Variants in SHISAL2A observed in about 807,000 individuals in gnomAD.
The protein encoded by SHISAL2A is protein shisa-like-2A.
In SHISAL2A, 18 loss-of-function variants were observed where a neutral mutation model predicts 11.5. The observed-to-expected ratio is 1.57, with a 90% CI of 1.08 to 2.33. The LOEUF (loss-of-function observed/expected upper bound fraction) is 2.33. SHISAL2A is among the 30% of genes most tolerant of loss of function. The pLI is 0.00. For missense variants in SHISAL2A, 261 were observed against 250.9 expected (o/e 1.04, Z -0.27); for synonymous variants, 94 against 99.6 (o/e 0.94, Z 0.34).
chr1:52,649,630 G>A (rs1297369831), intron 2 of SHISAL2A, among the ~76,000 whole-genome samples: 4 of 152,316 alleles, frequency 2.6e-5, no homozygotes, highest in African/African-American at 9.6e-5. Flanking sequence ...TGAGGAACTG[G>A]CTAGATCAGA....
chr1:52,645,459 A>T, intron 2 of SHISAL2A, among the ~76,000 whole-genome samples: 1 of 144,482 alleles, frequency 6.9e-6, no homozygotes, highest in East Asian at 2.0e-4. Flanking sequence ...CCCAGGCTGG[A>T]ATGCAGTGGC....
downstream of SHISAL2A, among the ~76,000 whole-genome samples, chr1:52,657,336 A>C (rs1224514066): frequency 6.6e-6 from 1 of 152,304 alleles, no homozygotes; most frequent in East Asian, 1.9e-4. Context: ...GAACTCTGAC[A>C]TGGTTTTCCT....
At chr1:52,653,900 T>C (rs1691729749) in intron 2 of SHISAL2A, among the ~76,000 whole-genome samples, 1 of 151,942 alleles carries the variant, frequency 6.6e-6, no homozygotes, top group South Asian at 2.1e-4. Context: ...CCAGTCGTAT[T>C]TTCTGTTCCA....
In SHISAL2A at chr1:52,642,936, T is replaced by C. The variant is rs1691402585; in HGVS notation, c.256T>C (p.Cys86Arg). 6.2e-7 allele frequency: 1 copy of C among 1,614,054 alleles called. No individual in the cohort carries two copies. Among genetic ancestry groups the C allele is most frequent in the Non-Finnish European group, 8.5e-7 (1 of 1,180,018 alleles). The change falls in exon 2 of 3, where the codon TGC becomes CGC. Residue 86 changes from cysteine to arginine, a missense_variant. By Grantham distance (180) the Cys-to-Arg change is radical. Coordinates refer to ENST00000517870, the MANE Select transcript of SHISAL2A (RefSeq NM_001042693.3). ...CTTCATTGTTACCGCCTGTGTGCTC[T>C]GCTACCTGTTCATCAGCTCTAAGCC... ...LAFIVTACVL[C>R]YLFISSKPHT...
intron 2 of SHISAL2A, among the ~76,000 whole-genome samples, chr1:52,649,798 T>G (rs1691586506): frequency 6.6e-6 from 1 of 152,200 alleles, no homozygotes; most frequent in Non-Finnish European, 1.5e-5. Context: ...CTAGGTACAT[T>G]TAATAAGATA....
chr1:52,642,166 C>A (rs1272397467), intron 1 of SHISAL2A, among the ~76,000 whole-genome samples: 1 of 152,108 alleles, frequency 6.6e-6, no homozygotes, highest in African/African-American at 2.4e-5. Flanking sequence ...CTAAGGCCTA[C>A]TATATGTGTC....
intron 2 of SHISAL2A, among the ~76,000 whole-genome samples, chr1:52,650,457 T>C (rs1422347573): frequency 1.3e-5 from 2 of 152,146 alleles, no homozygotes; most frequent in Non-Finnish European, 1.5e-5. Context: ...TACTCTAAAA[T>C]GTGTACCCTC....
chr1:52,640,645 G>A (rs766011758), intron 1 of SHISAL2A, among the ~76,000 whole-genome samples: 4 of 152,030 alleles, frequency 2.6e-5, no homozygotes, highest in Non-Finnish European at 5.9e-5. Flanking sequence ...AACATATTTG[G>A]TCTCTGCCCC....
In SHISAL2A at chr1:52,633,509, A is replaced by C; in HGVS notation, c.16A>C (p.Thr6Pro). The change falls in exon 1 of 3, where the codon ACG becomes CCG. Residue 6 changes from threonine to proline, a missense_variant. Coordinates refer to ENST00000517870, the MANE Select transcript of SHISAL2A (RefSeq NM_001042693.3). This position sits in a 1 kb window ranked among gnomAD's most constrained non-coding sequence, Gnocchi z 6.4. MSGAC[T>P]SYVSAEQEVV... ...GCGGGGCGCGATGAGCGGCGCCTGC[A>C]CGAGCTACGTGAGCGCAGAGCAGGA... The C allele has an allele frequency of 1.3e-6, 2 of 1,541,134 alleles. No homozygotes were observed. Among genetic ancestry groups the C allele is most frequent in the Non-Finnish European group, 1.7e-6 (2 of 1,149,696 alleles).
At chr1:52,660,204 G>A (rs994521416), downstream of SHISAL2A, among the ~76,000 whole-genome samples, 1 of 152,116 alleles carries the variant, frequency 6.6e-6, no homozygotes, top group Non-Finnish European at 1.5e-5. Flanking sequence ...GGGGGAGACC[G>A]CACACTGAGC....
chr1:52,649,590 A>G (rs1691581476), intron 2 of SHISAL2A, among the ~76,000 whole-genome samples: 1 of 152,206 alleles, frequency 6.6e-6, no homozygotes, highest in South Asian at 2.1e-4. Context: ...ATGGCAATGA[A>G]GACCATAACT....
chr1:52,654,409 A>G (rs980575667), intron 2 of SHISAL2A, among the ~76,000 whole-genome samples: 13 of 152,224 alleles, frequency 8.5e-5, no homozygotes, highest in African/African-American at 2.9e-4. Context: ...TATAGCAACA[A>G]TAATAAACAG....
chr1:52,650,460 G>A (rs1025780332), intron 2 of SHISAL2A, among the ~76,000 whole-genome samples: 1 of 152,110 alleles, frequency 6.6e-6, no homozygotes, highest in Non-Finnish European at 1.5e-5. Flanking sequence ...TCTAAAATGT[G>A]TACCCTCATA....
At chr1:52,652,321 A>G (rs1319598124) in intron 2 of SHISAL2A, among the ~76,000 whole-genome samples, 4 of 152,226 alleles carry the variant, frequency 2.6e-5, no homozygotes. Context: ...TGTTGAGTCA[A>G]TAAAGGTAGA....
rs113639999 is a variant in SHISAL2A at position 52,666,582 on chromosome 1, G to A, written n.696-817G>A. Among the ~76,000 whole-genome samples the A allele has an allele frequency of 1.7e-4, 25 of 147,706 alleles. No homozygotes were observed. In the East Asian group the frequency reaches 4.6e-3, roughly 27 times the overall value. On this transcript the variant is annotated intron_variant and non_coding_transcript_variant, in intron 4 of 5. Coordinates refer to the SHISAL2A transcript ENST00000401050. Reference sequence around the variant, plus strand: ...TGAACTTTTGTTTCTGTGCACACGCGCGTGTGTGTGTGTGTGTGTCTATAG... The same window carrying A: ...TGAACTTTTGTTTCTGTGCACACGCACGTGTGTGTGTGTGTGTGTCTATAG...
intron 2 of SHISAL2A, among the ~76,000 whole-genome samples, chr1:52,645,942 A>G (rs1382362308): frequency 1.3e-5 from 2 of 152,242 alleles, no homozygotes; most frequent in African/African-American, 4.8e-5. Flanking sequence ...AAAACAAAGA[A>G]GAGGAGGGAC....
rs1691395057 is a variant in SHISAL2A at position 52,642,745 on chromosome 1, T to G, written c.183-118T>G. The G allele has an allele frequency of 2.7e-6, 3 of 1,104,414 alleles. No individual in the cohort carries two copies. The South Asian group carries it at 4.6e-5, about 17-fold the overall frequency. The allele number at this position is 1,104,414 out of a possible 1,614,324, so 68.4% of individuals were successfully genotyped here. On this transcript the variant is annotated intron_variant, in intron 1 of 2. Coordinates refer to ENST00000517870, the MANE Select transcript of SHISAL2A (RefSeq NM_001042693.3). The stretch of plus-strand genomic sequence containing the variant: ...GGCCTAAAATTTTTTTTAAATATTT[T>G]TATTCTGTACATTTTCTTCCCAGCA...
chr1:52,649,382 C>T (rs1198027960), intron 2 of SHISAL2A, among the ~76,000 whole-genome samples: 8 of 152,172 alleles, frequency 5.3e-5, no homozygotes. Flanking sequence ...CCCAGATCTC[C>T]CAGACTCTAA....
chr1:52,652,027 C>T (rs1410067835), intron 2 of SHISAL2A, among the ~76,000 whole-genome samples: 3 of 152,186 alleles, frequency 2.0e-5, no homozygotes, highest in Admixed American at 2.0e-4. Flanking sequence ...CCAAGGGATT[C>T]CCCAGAGCCC....
Sources: allele counts gnomAD v4.1 joint callset (sites outside exome capture counted in the v4.1 genomes callset), GRCh38; gene constraint gnomAD v4.1.1; non-coding constraint Gnocchi (gnomAD v3.1); transcripts MANE v1.5; gene names NCBI Gene and HGNC (gene_info 2026-07-23, HGNC 2026-07-21).